BBIP1: variants seen among roughly 807,000 people sequenced by gnomAD.
BBIP1 encodes BBSome interacting protein 1, also known as BBSome-interacting protein 1.
BBIP1 carries 6 observed loss-of-function variants against 8.9 expected under a neutral mutation model. That is an observed-to-expected ratio of 0.67 (90% confidence interval 0.37 to 1.33). BBIP1 has a LOEUF of 1.33. BBIP1 is among the 40% of genes most tolerant of loss of function. BBIP1 has a pLI of 0.02. For missense variants in BBIP1, 111 were observed against 109.2 expected, an observed-to-expected ratio of 1.02 and a Z score of -0.07; for synonymous variants, 32 against 33.4, an observed-to-expected ratio of 0.96 and a Z score of 0.14.
intron 2 of BBIP1, chr10:110,917,889 G>A (rs1846460388): frequency 5.3e-6 from 3 of 568,810 alleles, no homozygotes; most frequent in Admixed American, 3.1e-5. Context: ...AAACTCAGAG[G>A]AAATTACTTC....
chr10:110,908,578 A>C (rs1177699674), intron 2 of BBIP1, among the ~76,000 whole-genome samples: 1 of 152,230 alleles, frequency 6.6e-6, no homozygotes, highest in Admixed American at 6.5e-5. Context: ...GAGGGAGAAG[A>C]AACAGGCACA....
chr10:110,917,194 ATTTTTTTTTTTT>A (rs67066048), intron 2 of BBIP1, among the ~76,000 whole-genome samples: 2 of 107,972 alleles, frequency 1.9e-5, no homozygotes, highest in African/African-American at 7.2e-5. Flanking sequence ...CTGGATCCTG[ATTTTTTTTTTTT>A]TTTTTTTTTT....
intron 2 of BBIP1, among the ~76,000 whole-genome samples, chr10:110,913,560 A>G (rs1421035424): frequency 2.0e-5 from 3 of 152,226 alleles, no homozygotes; most frequent in African/African-American, 7.2e-5. Flanking sequence ...CCTATTTCAT[A>G]ATAGAACTCA....
chr10:110,918,462 A>G (rs1846492766), intron 1 of BBIP1, among the ~76,000 whole-genome samples: 1 of 152,172 alleles, frequency 6.6e-6, no homozygotes, highest in African/African-American at 2.4e-5. Flanking sequence ...TTTTCCTTTT[A>G]TAGGTGAAGG....
chr10:110,900,302 C>G lies in BBIP1; in HGVS notation c.*58G>C. ...CTTTCAGCACACAGAAGCATATTTT[C>G]TAGTTATTGTTAAATAGTAGATAAG... On this transcript the variant is annotated 3_prime_UTR_variant, in exon 4 of 4. Coordinates refer to ENST00000448814, the MANE Select transcript of BBIP1 (RefSeq NM_001195305.3). The G allele has an allele frequency of 7.0e-7, 1 of 1,421,928 alleles. No individual in the cohort carries two copies. Among genetic ancestry groups the G allele is most frequent in the South Asian group, 1.4e-5 (1 of 73,148 alleles). The allele number at this position is 1,421,928 out of a possible 1,614,324, so 88.1% of individuals were successfully genotyped here.
At chr10:110,917,194 A>ATTTT (rs67066048) in intron 2 of BBIP1, among the ~76,000 whole-genome samples, 275 of 107,892 alleles carry the variant, frequency 2.5e-3, no homozygotes, top group Non-Finnish European at 3.6e-3. Context: ...CTGGATCCTG[A>ATTTT]TTTTTTTTTT....
intron 2 of BBIP1, chr10:110,902,745 C>T (rs566294152): frequency 2.6e-5 from 4 of 152,302 alleles, no homozygotes; most frequent in African/African-American, 9.6e-5. Context: ...CAAACTTCAC[C>T]CCTATACTGC....
At chr10:110,919,273 G>T (rs906922976), upstream of BBIP1, 3 of 284,706 alleles carry the variant, frequency 1.1e-5, no homozygotes, top group African/African-American at 2.2e-5. Context: ...AGTAACTTCC[G>T]ATCGGGGAGT....
At chr10:110,913,612 G>A (rs1263095822) in intron 2 of BBIP1, among the ~76,000 whole-genome samples, 5 of 152,224 alleles carry the variant, frequency 3.3e-5, no homozygotes, top group South Asian at 2.1e-4. Context: ...GGGCAGCAAA[G>A]GTTAAAACCT....
At chr10:110,912,621 C>T (rs1236588238) in intron 2 of BBIP1, among the ~76,000 whole-genome samples, 1 of 152,130 alleles carries the variant, frequency 6.6e-6, no homozygotes, top group Non-Finnish European at 1.5e-5. Context: ...GGATCAGAAA[C>T]ATCAAAATGA....
At chr10:110,902,294 A>G (rs1324511513) in intron 2 of BBIP1, 2 of 152,786 alleles carry the variant, frequency 1.3e-5, no homozygotes, top group African/African-American at 2.4e-5. Context: ...ACATCCCAGC[A>G]TATATGCCAT....
At position 110,900,220 on chromosome 10, in the gene BBIP1, T is replaced by C. The variant is rs191511132; in HGVS notation, c.*140A>G. ...ACATTCACAATACAAATTTCATCAA[T>C]CTTGGATATTTTTGTATTTCTATGA... On this transcript the variant is annotated 3_prime_UTR_variant, in exon 4 of 4. Coordinates refer to ENST00000448814, the MANE Select transcript of BBIP1 (RefSeq NM_001195305.3). 2 of 839,562 alleles carry C rather than the reference T, an allele frequency of 2.4e-6. No individual in the cohort carries two copies. Among genetic ancestry groups the C allele is most frequent in the East Asian group, 5.8e-5 (2 of 34,692 alleles). The allele number at this position is 839,562 out of a possible 1,614,324, so 52.0% of individuals were successfully genotyped here.
intron 2 of BBIP1, chr10:110,903,393 A>C (rs1027979677): frequency 6.6e-6 from 1 of 152,234 alleles, no homozygotes; most frequent in South Asian, 2.1e-4. Context: ...AGCCAAAGGG[A>C]TGGTAGGGAG....
chr10:110,915,240 T>C lies in BBIP1; in HGVS notation c.37+2881A>G, dbSNP rs535600357. ...CGTGCGATCATGGCTCACCACAGCC[T>C]TGACCTTCTGGGCTCAAGTGATCTT... is the stretch of plus-strand genomic sequence containing the variant. On this transcript the variant is annotated intron_variant, in intron 2 of 3. Transcript: ENST00000448814. Among the ~76,000 whole-genome samples the C allele has an allele frequency of 2.0e-4, 30 of 152,264 alleles. 1 individual carries two copies. The South Asian group carries it at 6.2e-3, about 32-fold the overall frequency.
chr10:110,915,419 G>T (rs1846379500), intron 2 of BBIP1, among the ~76,000 whole-genome samples: 1 of 152,036 alleles, frequency 6.6e-6, no homozygotes, highest in Non-Finnish European at 1.5e-5. Context: ...CTCCCAAATT[G>T]TTAGGATTAC....
At chr10:110,903,204 C>CTGT (rs541562046) in intron 2 of BBIP1, 227 of 152,304 alleles carry the variant, frequency 1.5e-3, no homozygotes, top group African/African-American at 5.1e-3. Flanking sequence ...CAACTCTTAG[C>CTGT]TGTTATATAG....
Position 110,899,373 on chromosome 10 carries a change from A to ATAGT in BBIP1, c.*983_*986dup, listed in dbSNP as rs1194487317. The ATAGT allele has an allele frequency of 2.0e-5, 3 of 152,214 alleles. No individual in the cohort carries two copies. The highest frequency in any genetic ancestry group is 4.8e-5 in the African/African-American group (2 of 41,460). 9.4% of individuals were successfully genotyped at this position (152,214 alleles called of 1,614,324 possible). On this transcript the variant is annotated 3_prime_UTR_variant, in exon 4 of 4. Coordinates refer to ENST00000448814, the MANE Select transcript of BBIP1 (RefSeq NM_001195305.3). ...AAGCCCATATTACCTCAGCTTATAT[A>ATAGT]TAGTTACCATTTTTAGGTTTTTAAT...
intron 2 of BBIP1, among the ~76,000 whole-genome samples, chr10:110,912,615 C>T (rs929820884): frequency 1.3e-5 from 2 of 152,190 alleles, no homozygotes; most frequent in African/African-American, 2.4e-5. Flanking sequence ...ACATATGGAT[C>T]AGAAACATCA....
At chr10:110,900,684 G>T (rs2134016449) in intron 3 of BBIP1, 158 bp from the exon 4 acceptor site, 1 of 623,226 alleles carries the variant, frequency 1.6e-6, no homozygotes, top group East Asian at 3.0e-5. Context: ...AAAGATCATT[G>T]TCATTCTATA....
Sources: allele counts gnomAD v4.1 joint callset (sites outside exome capture counted in the v4.1 genomes callset), GRCh38; gene constraint gnomAD v4.1.1; transcripts MANE v1.5; gene names NCBI Gene and HGNC (gene_info 2026-07-23, HGNC 2026-07-21).